IDH3B: variants seen among roughly 807,000 people sequenced by gnomAD.
The protein encoded by IDH3B is isocitrate dehydrogenase (NAD(+)) 3 non-catalytic subunit beta, also known as isocitrate dehydrogenase [NAD] subunit beta, mitochondrial.
Under a neutral mutation model 47.5 loss-of-function variants are expected in IDH3B, and 40 were observed. The ratio of observed to expected loss-of-function variants is 0.84; its 90% confidence interval spans 0.65 to 1.10. The LOEUF is 1.10. Ranked by LOEUF, IDH3B falls within the 50% of genes least tolerant of loss-of-function variation. The probability of loss-of-function intolerance (pLI) is 0.00; values close to 1 mark genes in which losing one functional copy is unlikely to be tolerated. For missense variants in IDH3B, 450 were observed against 505.2 expected (o/e 0.89, Z 1.05); for synonymous variants, 185 against 191.0 (o/e 0.97, Z 0.26).
In IDH3B at chr20:2,659,554, C is replaced by G; in HGVS notation, c.1042G>C (p.Ala348Pro). ...CCAACTTTGATCACCTTCTTCACCG[C>G]ATCTGCGATCATGCTGGAGTGATAC... ...LEYHSSMIAD[A>P]VKKVIKVGKV... The change falls in exon 11 of 12, where the codon GCG becomes CCG. Residue 348 changes from alanine to proline, a missense_variant. Coordinates refer to ENST00000380843, the MANE Select transcript of IDH3B (RefSeq NM_006899.5). 6.2e-7 allele frequency: 1 copy of G among 1,614,264 alleles called. No individual in the cohort carries two copies. Among genetic ancestry groups the G allele is most frequent in the Non-Finnish European group, 8.5e-7 (1 of 1,180,038 alleles).
At chr20:2,659,419 T>C in intron 11 of IDH3B, 106 bp downstream of exon 11, 2 of 1,535,700 alleles carry the variant, frequency 1.3e-6, no homozygotes, top group East Asian at 2.2e-5. Flanking sequence ...TCTGGGGACC[T>C]GGGGGGAAAG....
Position 2,663,520 on chromosome 20 carries a change from A to C in IDH3B, c.263T>G (p.Val88Gly). ...CTTCTCCTCAGATGCCATATTCTGC[A>C]CCTCACTCAGGTGGTGCTCCTGGAA... ...VEFQEHHLSE[V>G]QNMASEEKLE... is the part of the protein sequence containing the mutation. Residue 88 changes from valine (V) to glycine (G), a missense_variant, in exon 4 of 12, where the codon GTG (valine) becomes GGG (glycine). Physicochemically the swap from Val to Gly is moderately radical, Grantham distance 109 (BLOSUM62 -3). Transcript: ENST00000380843. The C allele has an allele frequency of 6.2e-7, 1 of 1,614,156 alleles. No individual in the cohort carries two copies. Among genetic ancestry groups the C allele is most frequent in the Non-Finnish European group, 8.5e-7 (1 of 1,180,002 alleles).
At chr20:2,662,330 T>C (rs1363009596) in intron 4 of IDH3B, among the ~76,000 whole-genome samples, 4 of 152,174 alleles carry the variant, frequency 2.6e-5, no homozygotes, top group Admixed American at 1.3e-4. Flanking sequence ...TCTAGTGTGA[T>C]TGAAGCACAG....
In IDH3B at chr20:2,663,650, G is replaced by A. The variant is rs370462986; in HGVS notation, c.216+10C>T. 1.3e-5 allele frequency: 21 copies of A among 1,614,024 alleles called. No homozygotes were observed. The highest frequency in any genetic ancestry group is 3.3e-5 in the Admixed American group (2 of 59,988). ...CTGTCCTCTACTGTCTGATCCCCGA[G>A]GCCACTCACCTTGAACACCTCCTTG... On this transcript the variant is annotated intron_variant, in intron 3 of 11. Coordinates refer to ENST00000380843, the MANE Select transcript of IDH3B (RefSeq NM_006899.5).
chr20:2,658,492 T>C lies in IDH3B; in HGVS notation c.*259A>G, dbSNP rs892206395. On this transcript the variant is annotated 3_prime_UTR_variant, in exon 12 of 12. Transcript: ENST00000380843. ...ACAGCCTCAGTGAAGTCATGGCAAG[T>C]AGCATAGCCACCCATGTCAGAGGTT... 1.9e-6 allele frequency: 3 copies of C among 1,613,980 alleles called. No individual in the cohort carries two copies. The highest frequency in any genetic ancestry group is 1.7e-5 in the Admixed American group (1 of 59,978).
At chr20:2,663,127 G>A (rs1338902564) in intron 4 of IDH3B, among the ~76,000 whole-genome samples, 1 of 147,906 alleles carries the variant, frequency 6.8e-6, no homozygotes, top group African/African-American at 2.6e-5. Context: ...AAGAAACAAA[G>A]AGGAAGGAAG....
intron 4 of IDH3B, among the ~76,000 whole-genome samples, chr20:2,662,657 A>G (rs1335179273): frequency 6.6e-6 from 1 of 152,172 alleles, no homozygotes; most frequent in Admixed American, 6.5e-5. Context: ...TCTCTCTACT[A>G]AAAATACAAA....
chr20:2,659,150 G>C (rs566885365), intron 11 of IDH3B: 2 of 1,282,590 alleles, frequency 1.6e-6, no homozygotes, highest in South Asian at 3.8e-5. Context: ...TGGAAGGAAA[G>C]AATCACAGCG....
In IDH3B at chr20:2,661,353, C is replaced by A. The variant is rs547667432; in HGVS notation, c.338-384G>T. 1.5e-3 allele frequency among the ~76,000 whole-genome samples: 235 copies of A among 152,332 alleles called. 4 individuals carry two copies. The highest frequency in any genetic ancestry group is 0.013 in the Admixed American group (204 of 15,304). ...CTGGGATTACAGGCATGTGCCACCA[C>A]ACCTGGCTAATTTTTTGTATTTTTA... is the stretch of plus-strand genomic sequence containing the variant. On this transcript the variant is annotated intron_variant, in intron 4 of 11. Coordinates refer to ENST00000380843, the MANE Select transcript of IDH3B (RefSeq NM_006899.5).
At chr20:2,663,248 T>C (rs922630019) in intron 4 of IDH3B, among the ~76,000 whole-genome samples, 198 bp downstream of exon 4, 17 of 152,082 alleles carry the variant, frequency 1.1e-4, no homozygotes, top group Admixed American at 3.9e-4. Context: ...TCAGAACCCC[T>C]GGAACTTTTC....
rs72484095 is a variant in IDH3B, at chr20:2,661,202, T to C, written c.338-233A>G. Among the ~76,000 whole-genome samples, 32 of 151,202 alleles carry C rather than the reference T, an allele frequency of 2.1e-4. No individual in the cohort carries two copies. In the South Asian group the frequency reaches 2.3e-3, roughly 11 times the overall value. Reference sequence around the variant, plus strand: ...CTGTGTGTGTGTGTGTGTGTGTGTGTGCGTGTGTGAGAGACACAGGGTCTC... The same window carrying C: ...CTGTGTGTGTGTGTGTGTGTGTGTGCGCGTGTGTGAGAGACACAGGGTCTC... On this transcript the variant is annotated intron_variant, in intron 4 of 11. Transcript: ENST00000380843.
chr20:2,664,172 C>G lies in IDH3B; in HGVS notation c.17G>C (p.Gly6Ala), dbSNP rs771976179. Reference protein sequence around the residue: MAALSGVRWLTRALVS... With the variant: MAALSAVRWLTRALVS... ...CCTCACTCGGGTCAGCCAGCGGACT[C>G]CGCTCAATGCCGCCATGTTTCCCGC... The change falls in exon 1 of 12, where the codon GGA becomes GCA. Residue 6 changes from glycine (G) to alanine (A), a missense_variant. Coordinates refer to ENST00000380843, the MANE Select transcript of IDH3B (RefSeq NM_006899.5). 1.9e-6 allele frequency: 3 copies of G among 1,613,632 alleles called. No individual in the cohort carries two copies. In the South Asian group the frequency reaches 3.3e-5, roughly 18 times the overall value.
intron 4 of IDH3B, among the ~76,000 whole-genome samples, chr20:2,661,883 G>A (rs117476388): frequency 9.1e-4 from 138 of 152,334 alleles, no homozygotes; most frequent in Non-Finnish European, 1.4e-3. Context: ...CCTTATTTGG[G>A]AAAAGAGGCT....
rs1189956239 is a variant in IDH3B at position 2,660,023 on chromosome 20, G to T, written c.915+7C>A. On this transcript the variant is annotated splice_region_variant and intron_variant, in intron 9 of 11. Coordinates refer to ENST00000380843, the MANE Select transcript of IDH3B (RefSeq NM_006899.5). The surrounding 1 kb of genome is among the most constrained non-coding windows in gnomAD (Gnocchi z 5.6). ...AGAGGAAGGGCCGAGGGAGAAAGCAGCCTCACCGTCTCAAAGACTGCGTAT... is the reference window on the plus strand; with the variant it reads ...AGAGGAAGGGCCGAGGGAGAAAGCATCCTCACCGTCTCAAAGACTGCGTAT... The T allele has an allele frequency of 6.2e-7, 1 of 1,613,924 alleles. No individual in the cohort carries two copies. Among genetic ancestry groups the T allele is most frequent in the Non-Finnish European group, 8.5e-7 (1 of 1,179,962 alleles).
In IDH3B at chr20:2,659,700, T is replaced by C; in HGVS notation, c.1009A>G (p.Asn337Asp). 1 of 1,613,816 alleles carries C rather than the reference T, an allele frequency of 6.2e-7. No individual in the cohort carries two copies. Among genetic ancestry groups the C allele is most frequent in the Non-Finnish European group, 8.5e-7 (1 of 1,179,782 alleles). ...TGCCGACAGCCTCCCATGACCTACTTAAGATGCCGCAGCATGTTGGAAGCC... is the reference window on the plus strand; with the variant it reads ...TGCCGACAGCCTCCCATGACCTACTCAAGATGCCGCAGCATGTTGGAAGCC... Reference protein sequence around the residue: ...LSASNMLRHLNLEYHSSMIAD... With the variant: ...LSASNMLRHLDLEYHSSMIAD... The change falls in exon 10 of 12, where the codon AAT (asparagine) becomes GAT (aspartate). Residue 337 changes from asparagine (N) to aspartate (D), a missense_variant and splice_region_variant. Coordinates refer to ENST00000380843, the MANE Select transcript of IDH3B (RefSeq NM_006899.5).
chr20:2,658,552 G>T lies in IDH3B; in HGVS notation c.*199C>A, dbSNP rs762140357. ...GGGGGAGAATCATCATCATCCATGT[G>T]GCCTGGGCTCCATCCTAACAATCCC... On this transcript the variant is annotated 3_prime_UTR_variant, in exon 12 of 12. Coordinates refer to ENST00000380843, the MANE Select transcript of IDH3B (RefSeq NM_006899.5). The T allele has an allele frequency of 6.2e-7, 1 of 1,613,380 alleles. No homozygotes were observed. The highest frequency in any genetic ancestry group is 1.1e-5 in the South Asian group (1 of 90,876).
intron 4 of IDH3B, among the ~76,000 whole-genome samples, 155 bp downstream of exon 4, chr20:2,663,291 T>C (rs2086982547): frequency 6.6e-6 from 1 of 152,234 alleles, no homozygotes; most frequent in Non-Finnish European, 1.5e-5. Flanking sequence ...TCTCAACTCC[T>C]GGGCTCCCAA....
intron 11 of IDH3B, chr20:2,659,205 C>CATA (rs2146305547): frequency 7.0e-7 from 1 of 1,438,250 alleles, no homozygotes; most frequent in South Asian, 1.5e-5. Context: ...TTCAGCCTGC[C>CATA]TGTATCCCTT....
Position 2,658,797 on chromosome 20 carries a change from T to C in IDH3B, c.1112A>G (p.Asp371Gly). ...RDMGGYSTTT[D>G]FIKSVIGHLQ... ...GTGACCGATGACAGACTTGATGAAGTCGGTTGTGGTGCTGTAGCCGCCCAT... is the reference window on the plus strand; with the variant it reads ...GTGACCGATGACAGACTTGATGAAGCCGGTTGTGGTGCTGTAGCCGCCCAT... Residue 371 changes from aspartate to glycine, a missense_variant, in exon 12 of 12, where the codon GAC (aspartate) becomes GGC (glycine). Asp to Gly is a moderately conservative substitution (Grantham distance 94). Transcript: ENST00000380843. 6.2e-7 allele frequency: 1 copy of C among 1,614,122 alleles called. No homozygotes were observed. Among genetic ancestry groups the C allele is most frequent in the Non-Finnish European group, 8.5e-7 (1 of 1,180,034 alleles).
Sources: allele counts gnomAD v4.1 joint callset (sites outside exome capture counted in the v4.1 genomes callset), GRCh38; gene constraint gnomAD v4.1.1; non-coding constraint Gnocchi (gnomAD v3.1); transcripts MANE v1.5; gene names NCBI Gene and HGNC (gene_info 2026-07-23, HGNC 2026-07-21).